Variants in SLC25A31 observed in about 807,000 individuals in gnomAD.
SLC25A31 encodes the protein ADP/ATP translocase 4.
Under a neutral mutation model 36.2 loss-of-function variants are expected in SLC25A31, and 40 were observed. The ratio of observed to expected loss-of-function variants is 1.10; its 90% CI spans 0.86 to 1.44. The LOEUF (loss-of-function observed/expected upper bound fraction) is 1.44. Ranked by LOEUF, SLC25A31 falls within the 40% of genes most tolerant of loss-of-function variation. The pLI is 0.00. For synonymous variants in SLC25A31, 143 were observed against 149.7 expected (o/e 0.96, Z 0.32); for missense variants, 350 against 397.1 (o/e 0.88, Z 1.01).
chr4:127,747,519 A>G (rs560453298), intron 2 of SLC25A31, among the ~76,000 whole-genome samples: 1 of 152,310 alleles, frequency 6.6e-6, no homozygotes, highest in East Asian at 1.9e-4. Context: ...GATTAGCTGT[A>G]TTCCTAGGTA....
chr4:127,730,914 C>A, intron 1 of SLC25A31, 137 bp downstream of exon 1: 1 of 870,312 alleles, frequency 1.1e-6, no homozygotes, highest in Non-Finnish European at 1.7e-6. Flanking sequence ...TTGCTTCTTA[C>A]CCTTCCAGAA....
At chr4:127,740,583 C>T (rs1731714386) in intron 1 of SLC25A31, among the ~76,000 whole-genome samples, 1 of 152,188 alleles carries the variant, frequency 6.6e-6, no homozygotes, top group Admixed American at 6.5e-5. Flanking sequence ...GGTCAGAATG[C>T]CTGGAAATCT....
rs1731492473 is a variant in SLC25A31, at chr4:127,730,451, A to G, written c.-95A>G. The G allele has an allele frequency of 2.3e-6, 3 of 1,313,874 alleles. No individual in the cohort carries two copies. Among genetic ancestry groups the G allele is most frequent in the East Asian group, 2.4e-5 (1 of 41,304 alleles). 81.4% of individuals were successfully genotyped at this position (1,313,874 alleles called of 1,614,324 possible). A position where few individuals can be genotyped will look rare whatever the true frequency, so the allele number is the denominator to read the frequency against. On this transcript the variant is annotated 5_prime_UTR_variant, in exon 1 of 6. An upstream start codon of the reference 5' UTR is lost. Transcript: ENST00000281154. ...CAAGAGCCACTTTCTCGCCAGTACG[A>G]TGCTGCAGCGGTTTTCCGGTTTTCC...
chr4:127,764,730 C>T (rs887592535), intron 3 of SLC25A31, among the ~76,000 whole-genome samples: 15 of 152,038 alleles, frequency 9.9e-5, no homozygotes, highest in Non-Finnish European at 1.6e-4. Context: ...TCTATCCTTA[C>T]TTAAATATCA....
intron 2 of SLC25A31, among the ~76,000 whole-genome samples, chr4:127,761,424 C>T (rs1454001414): frequency 2.0e-4 from 30 of 152,262 alleles, no homozygotes; most frequent in Admixed American, 1.8e-3. Flanking sequence ...CAGATTACCT[C>T]AGGAAAAAGA....
At chr4:127,766,086 A>AAACT (rs1732235166) in intron 3 of SLC25A31, among the ~76,000 whole-genome samples, 1 of 152,098 alleles carries the variant, frequency 6.6e-6, no homozygotes, top group Admixed American at 6.5e-5. Flanking sequence ...TAACTATCTT[A>AAACT]AACTATCCTT....
Position 127,767,220 on chromosome 4 carries a change from G to T in SLC25A31, c.633G>T (p.Lys211Asn), listed in dbSNP as rs764027653. 2.6e-6 allele frequency: 4 copies of T among 1,567,142 alleles called. No individual in the cohort carries two copies. Among genetic ancestry groups the T allele is most frequent in the Admixed American group, 1.9e-5 (1 of 52,742 alleles). ...ATTTTGGAGCTTATGACACAGTTAAGGTAATCTGGGGGCTTTAACTTGGAC... is the reference window on the plus strand; with the variant it reads ...ATTTTGGAGCTTATGACACAGTTAATGTAATCTGGGGGCTTTAACTTGGAC... Reference protein sequence around the residue: ...ASYFGAYDTVKGLLPKPKKTP... With the variant: ...ASYFGAYDTVNGLLPKPKKTP... The change falls in exon 4 of 6, where the codon AAG becomes AAT. Residue 211 changes from lysine (K) to asparagine (N), a missense_variant and splice_region_variant. Coordinates refer to ENST00000281154, the MANE Select transcript of SLC25A31 (RefSeq NM_031291.4).
At chr4:127,750,302 C>G (rs760414035) in intron 2 of SLC25A31, among the ~76,000 whole-genome samples, 1 of 152,158 alleles carries the variant, frequency 6.6e-6, no homozygotes, top group Non-Finnish European at 1.5e-5. Context: ...ATGATAAACT[C>G]ATAAGTGGAA....
intron 2 of SLC25A31, among the ~76,000 whole-genome samples, chr4:127,757,880 TTAGTCCATTTTCATGCTGC>T (rs1358988873): frequency 3.9e-5 from 6 of 152,304 alleles, no homozygotes; most frequent in African/African-American, 1.4e-4. Flanking sequence ...GATTAGTGTA[TTAGTCCATTTTCATGCTGC>T]TGATAAAGAC....
intron 2 of SLC25A31, among the ~76,000 whole-genome samples, chr4:127,760,871 C>G (rs752630458): frequency 6.6e-6 from 1 of 152,102 alleles, no homozygotes; most frequent in African/African-American, 2.4e-5. Context: ...AACCCCGTCT[C>G]TACTAAAAAT....
At chr4:127,732,522 T>C (rs1390041072) in intron 1 of SLC25A31, among the ~76,000 whole-genome samples, 1 of 152,236 alleles carries the variant, frequency 6.6e-6, no homozygotes, top group African/African-American at 2.4e-5. Context: ...CTCTCTATTA[T>C]TAGCTTTTCT....
At chr4:127,766,401 C>G (rs531124251) in intron 3 of SLC25A31, among the ~76,000 whole-genome samples, 1 of 152,064 alleles carries the variant, frequency 6.6e-6, no homozygotes, top group South Asian at 2.1e-4. Context: ...CTCCTGACCT[C>G]GTGATCCACC....
intron 1 of SLC25A31, among the ~76,000 whole-genome samples, chr4:127,735,087 G>A (rs1731598973): frequency 6.6e-6 from 1 of 152,124 alleles, no homozygotes; most frequent in South Asian, 2.1e-4. Flanking sequence ...CAAATCAAGG[G>A]TAACACCAAT....
chr4:127,730,485 T>A lies in SLC25A31; in HGVS notation c.-61T>A. ...CGGTTTTCCGGTTTTCCGCTTCCCT[T>A]CATCGTAGCTCCCGTACTCATTTTT... On this transcript the variant is annotated 5_prime_UTR_variant, in exon 1 of 6. Coordinates refer to ENST00000281154, the MANE Select transcript of SLC25A31 (RefSeq NM_031291.4). The A allele has an allele frequency of 6.5e-7, 1 of 1,537,980 alleles. No homozygotes were observed. Among genetic ancestry groups the A allele is most frequent in the Non-Finnish European group, 8.9e-7 (1 of 1,119,082 alleles).
chr4:127,753,485 T>C lies in SLC25A31; in HGVS notation c.360+8686T>C, dbSNP rs142961030. Among the ~76,000 whole-genome samples the C allele has an allele frequency of 2.4e-3, 369 of 152,232 alleles. 2 individuals carry two copies. Among genetic ancestry groups the C allele is most frequent in the African/African-American group, 8.3e-3 (344 of 41,576 alleles). ...GAAGTGAAAGAGGAGACATTGTAGC[T>C]GAAACCTAGAAATGCAAAAGATCAT... On this transcript the variant is annotated intron_variant, in intron 2 of 5. Coordinates refer to ENST00000281154, the MANE Select transcript of SLC25A31 (RefSeq NM_031291.4).
chr4:127,741,596 CATT>C (rs1339243987), intron 1 of SLC25A31, among the ~76,000 whole-genome samples: 4 of 152,100 alleles, frequency 2.6e-5, no homozygotes, highest in African/African-American at 9.7e-5. Flanking sequence ...ATCCTTTTAT[CATT>C]ATATTGAATT....
At chr4:127,738,296 G>A (rs1303334435) in intron 1 of SLC25A31, among the ~76,000 whole-genome samples, 1 of 151,796 alleles carries the variant, frequency 6.6e-6, no homozygotes, top group Non-Finnish European at 1.5e-5. Context: ...CCACCATGTT[G>A]CCCAGGCTGG....
At chr4:127,761,151 C>T (rs921103348) in intron 2 of SLC25A31, among the ~76,000 whole-genome samples, 8 of 152,056 alleles carry the variant, frequency 5.3e-5, no homozygotes, top group African/African-American at 1.7e-4. Context: ...TCCTTCCTAC[C>T]GTCACTACAT....
chr4:127,754,640 T>G (rs967848993), intron 2 of SLC25A31, among the ~76,000 whole-genome samples: 3 of 151,146 alleles, frequency 2.0e-5, no homozygotes, highest in African/African-American at 7.3e-5. Flanking sequence ...GAAACTGAAA[T>G]ATAAGACCTG....
Sources: gnomAD v4.1 joint callset for allele counts (sites outside exome capture counted in the v4.1 genomes callset) on GRCh38, gnomAD v4.1.1 for gene constraint, MANE v1.5 for transcripts, NCBI Gene and HGNC (gene_info 2026-07-23, HGNC 2026-07-21) for gene names.